DAB1: variants seen among roughly 807,000 people sequenced by gnomAD.
The protein encoded by DAB1 is DAB adaptor protein 1.
DAB1 carries 15 observed loss-of-function variants against 64.6 expected under a neutral mutation model. The ratio of observed to expected loss-of-function variants is 0.23; its 90% CI spans 0.16 to 0.36. DAB1 has a LOEUF of 0.36. DAB1 is among the 10% of genes least tolerant of loss of function. DAB1 has a pLI of 1.00. For missense variants in DAB1, 596 were observed against 706.7 expected (o/e 0.84, Z 1.78); for synonymous variants, 235 against 251.9 (o/e 0.93, Z 0.64).
At chr1:58,045,430 G>A (rs113369152) in intron 5 of DAB1, among the ~76,000 whole-genome samples, 2,226 of 152,228 alleles carry the variant, frequency 0.015, 46 homozygotes, top group African/African-American at 0.05. Flanking sequence ...CTCCGCGAGC[G>A]GGGCTGTTAC....
intron 7 of DAB1, among the ~76,000 whole-genome samples, chr1:57,608,828 G>C (rs1348298238): frequency 6.6e-6 from 1 of 152,102 alleles, no homozygotes; most frequent in Non-Finnish European, 1.5e-5. Flanking sequence ...CTAGTGGCTG[G>C]TGGTTAAGCT....
At chr1:57,034,169 A>C (rs1647056703) in intron 9 of DAB1, among the ~76,000 whole-genome samples, 1 of 151,554 alleles carries the variant, frequency 6.6e-6, no homozygotes. Context: ...AATCCCAGCT[A>C]CTCGGGAAGC....
chr1:57,302,036 C>CT (rs1191189647), intron 1 of DAB1, among the ~76,000 whole-genome samples: 1 of 152,188 alleles, frequency 6.6e-6, no homozygotes, highest in Non-Finnish European at 1.5e-5. Context: ...ACAAAAAGGG[C>CT]TATCATCTTC....
chr1:57,255,492 T>C (rs567543935), intron 2 of DAB1, among the ~76,000 whole-genome samples: 1 of 151,978 alleles, frequency 6.6e-6, no homozygotes, highest in Non-Finnish European at 1.5e-5. Context: ...CAAAACCCTG[T>C]ACCAAAAATA....
At chr1:57,810,666 C>T (rs904901676) in intron 6 of DAB1, among the ~76,000 whole-genome samples, 1 of 152,120 alleles carries the variant, frequency 6.6e-6, no homozygotes, top group East Asian at 1.9e-4. Context: ...AAGCATTCAC[C>T]AATGGCCCAA....
At chr1:58,076,885 G>A (rs1326986674) in intron 5 of DAB1, among the ~76,000 whole-genome samples, 1 of 152,166 alleles carries the variant, frequency 6.6e-6, no homozygotes, top group African/African-American at 2.4e-5. Context: ...GCCTAGTGAT[G>A]TTCATGGAAT....
intron 4 of DAB1, among the ~76,000 whole-genome samples, chr1:58,334,541 T>C (rs1163466818): frequency 6.6e-6 from 1 of 151,044 alleles, no homozygotes; most frequent in Non-Finnish European, 1.5e-5. Context: ...AGGTGATGAT[T>C]TGCTAGTGTG....
intron 3 of DAB1, among the ~76,000 whole-genome samples, chr1:58,394,275 A>C (rs1644500711): frequency 6.6e-6 from 1 of 152,378 alleles, no homozygotes; most frequent in East Asian, 1.9e-4. Flanking sequence ...CTAATGGAGA[A>C]TGCTACAGAA....
intron 7 of DAB1, among the ~76,000 whole-genome samples, chr1:57,520,599 T>A (rs1365898131): frequency 6.6e-6 from 1 of 152,192 alleles, no homozygotes; most frequent in Non-Finnish European, 1.5e-5. Flanking sequence ...AAAAAATGTC[T>A]ATTAGACATT....
At chr1:58,128,299 A>G (rs1392821059) in intron 5 of DAB1, among the ~76,000 whole-genome samples, 3 of 150,390 alleles carry the variant, frequency 2.0e-5, no homozygotes, top group Non-Finnish European at 4.4e-5. Flanking sequence ...TGATTTTTGT[A>G]CATTGATTTT....
intron 1 of DAB1, among the ~76,000 whole-genome samples, chr1:57,417,671 G>A (rs1225889611): frequency 6.6e-6 from 1 of 152,066 alleles, no homozygotes; most frequent in Non-Finnish European, 1.5e-5. Flanking sequence ...TTTGAACATG[G>A]AACTTATTTT....
At chr1:57,743,642 G>A (rs948923757) in intron 6 of DAB1, among the ~76,000 whole-genome samples, 6 of 152,134 alleles carry the variant, frequency 3.9e-5, no homozygotes, top group Non-Finnish European at 8.8e-5. Flanking sequence ...TTTGAGCAGG[G>A]CCTACAGGTG....
At chr1:57,578,479 G>A (rs1645275992) in intron 7 of DAB1, among the ~76,000 whole-genome samples, 1 of 152,212 alleles carries the variant, frequency 6.6e-6, no homozygotes, top group Non-Finnish European at 1.5e-5. Context: ...GATCCAGGCT[G>A]GACACTTATC....
intron 6 of DAB1, among the ~76,000 whole-genome samples, chr1:57,707,509 C>T (rs77208381): frequency 9.8e-4 from 149 of 151,998 alleles, no homozygotes; most frequent in African/African-American, 3.5e-3. Context: ...TTTTGTGAAT[C>T]GAGGTTTTCA....
In DAB1 at chr1:57,015,005, T is replaced by C. The variant is rs766703191; in HGVS notation, c.1322A>G (p.Glu441Gly). ...TTTGTTGAAGTAACTGGAGAAGGCCTCTGAGGTACAGGTGAGGGAGGGCTG... is the reference window on the plus strand; with the variant it reads ...TTTGTTGAAGTAACTGGAGAAGGCCCCTGAGGTACAGGTGAGGGAGGGCTG... ...PDQPSLTCTSEAFSSYFNKVG... is the reference protein window; with the variant it reads ...PDQPSLTCTSGAFSSYFNKVG... Residue 441 changes from glutamate (E) to glycine (G), a missense_variant, in exon 12 of 15, where the codon GAG becomes GGG. By Grantham distance (98) the Glu-to-Gly change is moderately conservative (BLOSUM62 -2). This residue lies in a region of DAB1 where 377 missense variants were observed against 400.4 expected (regional missense o/e 0.94). Transcript: ENST00000371236. 6.2e-7 allele frequency: 1 copy of C among 1,614,136 alleles called. No homozygotes were observed. Among genetic ancestry groups the C allele is most frequent in the South Asian group, 1.1e-5 (1 of 91,078 alleles).
At chr1:57,167,121 T>C (rs913094104) in intron 2 of DAB1, among the ~76,000 whole-genome samples, 5 of 152,172 alleles carry the variant, frequency 3.3e-5, no homozygotes, top group African/African-American at 7.2e-5. Context: ...AATATAAGTC[T>C]CTCACCCACT....
intron 2 of DAB1, among the ~76,000 whole-genome samples, chr1:57,284,998 A>C (rs1397593800): frequency 6.6e-6 from 1 of 152,202 alleles, no homozygotes; most frequent in Non-Finnish European, 1.5e-5. Context: ...TGATTCTTGG[A>C]GCCAAAATTC....
chr1:57,302,420 AG>A (rs1246316382), intron 1 of DAB1, among the ~76,000 whole-genome samples: 4 of 152,160 alleles, frequency 2.6e-5, no homozygotes, highest in Non-Finnish European at 5.9e-5. Flanking sequence ...TCCCCTGCAC[AG>A]GAAGCCTTCC....
At chr1:57,029,654 G>T (rs914382637) in intron 9 of DAB1, among the ~76,000 whole-genome samples, 1 of 152,196 alleles carries the variant, frequency 6.6e-6, no homozygotes, top group African/African-American at 2.4e-5. Flanking sequence ...GCATCAGCGT[G>T]ACCTGGATGT....
Sources: allele counts gnomAD v4.1 joint callset (sites outside exome capture counted in the v4.1 genomes callset), GRCh38; gene constraint gnomAD v4.1.1; regional missense constraint gnomAD v4.1.1; transcripts MANE v1.5; gene names NCBI Gene and HGNC (gene_info 2026-07-23, HGNC 2026-07-21).